Variants in FCHO2 observed in about 807,000 individuals in gnomAD.
FCHO2 encodes the protein F-BAR domain only protein 2.
Under a neutral mutation model 114.1 loss-of-function variants are expected in FCHO2, and 43 were observed. The ratio of observed to expected loss-of-function variants is 0.38; its 90% CI spans 0.30 to 0.49. The LOEUF (loss-of-function observed/expected upper bound fraction) is 0.49, where lower values mean the gene tolerates loss of function less well. FCHO2 is among the 20% of genes least tolerant of loss of function. The probability of loss-of-function intolerance (pLI) is 0.97; values close to 1 mark genes in which losing one functional copy is unlikely to be tolerated. For synonymous variants in FCHO2, 293 were observed against 315.2 expected (o/e 0.93, Z 0.75); for missense variants, 807 against 950.4 (o/e 0.85, Z 1.98).
At chr5:73,023,876 T>C (rs892542894) in intron 8 of FCHO2, among the ~76,000 whole-genome samples, 2 of 152,170 alleles carry the variant, frequency 1.3e-5, no homozygotes, top group Admixed American at 6.5e-5. Context: ...TGAACCCTTA[T>C]TCATCATAAT....
chr5:73,061,008 A>G (rs968462594), intron 17 of FCHO2, among the ~76,000 whole-genome samples: 9 of 67,908 alleles, frequency 1.3e-4, no homozygotes, highest in Non-Finnish European at 2.9e-4. Flanking sequence ...TTGTGCTCAC[A>G]AAAAAAAAAA....
rs1317794851 is a variant in FCHO2, at chr5:73,090,227, A to G, written c.*2137A>G. On this transcript the variant is annotated 3_prime_UTR_variant, in exon 26 of 26. Coordinates refer to ENST00000430046, the MANE Select transcript of FCHO2 (RefSeq NM_138782.3). ...TTATATTGATTTTTTTTTTCCATTT[A>G]AAAATCCACTAATGGTGTAAAAGAG... The G allele has an allele frequency of 2.0e-5, 3 of 152,458 alleles. No homozygotes were observed. The highest frequency in any genetic ancestry group is 2.0e-4 in the Admixed American group (3 of 15,256). The allele number at this position is 152,458 out of a possible 1,614,324, so 9.4% of individuals were successfully genotyped here.
intron 5 of FCHO2, chr5:72,997,125 T>A: frequency 8.8e-7 from 1 of 1,137,400 alleles, no homozygotes; most frequent in Non-Finnish European, 1.3e-6. Flanking sequence ...GATGAGATAC[T>A]TATTCACTCC....
At position 72,956,085 on chromosome 5, in the gene FCHO2, G is replaced by T; in HGVS notation, c.-12G>T. 3 of 1,540,516 alleles carry T rather than the reference G, an allele frequency of 1.9e-6. No individual in the cohort carries two copies. In the South Asian group the frequency reaches 3.6e-5, roughly 19 times the overall value. ...CGGGCGCGGACGCGGAACCCGGCGC[G>T]GCGGCGGCACGATGGTCATGGCGTA... On this transcript the variant is annotated 5_prime_UTR_variant, in exon 1 of 26. Transcript: ENST00000430046.
At chr5:72,969,501 A>G (rs1297626362) in intron 2 of FCHO2, among the ~76,000 whole-genome samples, 2 of 152,258 alleles carry the variant, frequency 1.3e-5, no homozygotes, top group South Asian at 2.1e-4. Flanking sequence ...CCGGGCTTCT[A>G]CATTATCATT....
At chr5:73,021,183 C>G in intron 8 of FCHO2, 1 of 769,090 alleles carries the variant, frequency 1.3e-6, no homozygotes, top group South Asian at 1.3e-5. Flanking sequence ...GCTGGTGAAC[C>G]GGCTGTAGAG....
At chr5:72,996,833 C>T (rs1754135155) in intron 5 of FCHO2, 9 of 908,344 alleles carry the variant, frequency 9.9e-6, no homozygotes, top group Admixed American at 2.3e-5. Context: ...GTTCCCCCTC[C>T]CGGCAACGGG....
intron 2 of FCHO2, among the ~76,000 whole-genome samples, chr5:72,969,916 C>T (rs1752425297): frequency 6.6e-6 from 1 of 152,144 alleles, no homozygotes; most frequent in Non-Finnish European, 1.5e-5. Context: ...TATTTATGCA[C>T]TTGTGATAGT....
chr5:73,068,937 C>T (rs1336113558), intron 19 of FCHO2, among the ~76,000 whole-genome samples, 158 bp downstream of exon 19: 1 of 152,036 alleles, frequency 6.6e-6, no homozygotes. Context: ...CCATGCTTTG[C>T]TTTTCTGTTT....
chr5:73,082,918 G>C, intron 24 of FCHO2, 93 bp downstream of exon 24: 1 of 1,082,204 alleles, frequency 9.2e-7, no homozygotes, highest in Non-Finnish European at 1.3e-6. Context: ...TTTGTTGCCA[G>C]GCTGGAGTGC....
intron 6 of FCHO2, among the ~76,000 whole-genome samples, chr5:73,009,586 G>A (rs1450442627): frequency 2.0e-5 from 3 of 151,920 alleles, no homozygotes; most frequent in Non-Finnish European, 4.4e-5. Flanking sequence ...AACCAGGCTC[G>A]AGTGCAATGG....
rs566819804 is a variant in FCHO2, at chr5:72,992,472, C to T, written c.495+1608C>T. Reference sequence around the variant, plus strand: ...AAATGGCACGTAGAGATTGATTATGCAAGCTGTTGAACTCAAAAGTCCTAA... The same window carrying T: ...AAATGGCACGTAGAGATTGATTATGTAAGCTGTTGAACTCAAAAGTCCTAA... On this transcript the variant is annotated intron_variant, in intron 5 of 25. Coordinates refer to ENST00000430046, the MANE Select transcript of FCHO2 (RefSeq NM_138782.3). 3.3e-5 allele frequency among the ~76,000 whole-genome samples: 5 copies of T among 152,246 alleles called. No homozygotes were observed. In the East Asian group the frequency reaches 9.6e-4, roughly 29 times the overall value.
chr5:73,033,575 C>T (rs1756345913), intron 8 of FCHO2, among the ~76,000 whole-genome samples: 1 of 152,028 alleles, frequency 6.6e-6, no homozygotes, highest in Non-Finnish European at 1.5e-5. Context: ...CTATCATCTA[C>T]TCTCTGTTTC....
intron 11 of FCHO2, among the ~76,000 whole-genome samples, chr5:73,043,187 C>T (rs1024818045): frequency 1.3e-5 from 2 of 152,086 alleles, no homozygotes; most frequent in Non-Finnish European, 2.9e-5. Flanking sequence ...CTGCTTCAGT[C>T]TCCCAGAGTG....
chr5:72,972,704 G>T (rs1752627041), intron 2 of FCHO2, among the ~76,000 whole-genome samples: 3 of 152,030 alleles, frequency 2.0e-5, no homozygotes, highest in Admixed American at 2.0e-4. Flanking sequence ...TCCTTCTCCT[G>T]CCTAATTGCC....
At chr5:73,022,602 C>T (rs2112762698) in intron 8 of FCHO2, among the ~76,000 whole-genome samples, 1 of 152,338 alleles carries the variant, frequency 6.6e-6, no homozygotes, top group South Asian at 2.1e-4. Context: ...TCTCTCTCAT[C>T]TCAGTGCTGT....
chr5:73,063,241 C>T (rs1311979613), intron 17 of FCHO2, among the ~76,000 whole-genome samples: 2 of 151,908 alleles, frequency 1.3e-5, no homozygotes, highest in Non-Finnish European at 2.9e-5. Flanking sequence ...TTATATAGGA[C>T]TTAGGAACAA....
chr5:73,041,457 C>A, intron 11 of FCHO2, 142 bp downstream of exon 11: 1 of 502,394 alleles, frequency 2.0e-6, no homozygotes. Flanking sequence ...AATTATTTTA[C>A]AGATGCATTT....
intron 2 of FCHO2, among the ~76,000 whole-genome samples, chr5:72,979,003 C>T (rs553933617): frequency 5.1e-4 from 78 of 151,998 alleles, no homozygotes; most frequent in Admixed American, 1.5e-3. Context: ...TTGCTGGATT[C>T]GGTTTGCCTG....
Sources: gnomAD v4.1 joint callset for allele counts (sites outside exome capture counted in the v4.1 genomes callset) on GRCh38, gnomAD v4.1.1 for gene constraint, MANE v1.5 for transcripts, NCBI Gene and HGNC (gene_info 2026-07-23, HGNC 2026-07-21) for gene names.